The following GSDME variants were observed in gnomAD, a reference collection of about 807,000 sequenced individuals.
GSDME encodes gasdermin E.
In GSDME, 44 loss-of-function variants were observed where a neutral mutation model predicts 47.5. The observed-to-expected ratio is 0.93, with a 90% CI of 0.73 to 1.19. The LOEUF (loss-of-function observed/expected upper bound fraction) is 1.19. Among genes scored for constraint, GSDME ranks in the 50% most tolerant of loss-of-function variants. The pLI is 0.00. For missense variants in GSDME, 663 were observed against 604.2 expected (o/e 1.10, Z -1.02); for synonymous variants, 258 against 252.8 (o/e 1.02, Z -0.20).
At chr7:24,779,743 C>T in the GSDME span, among the ~76,000 whole-genome samples, 1 of 152,236 alleles carries the variant, frequency 6.6e-6, no homozygotes, top group African/African-American at 2.4e-5. This position sits in a 1 kb window ranked among gnomAD's most constrained non-coding sequence, Gnocchi z 6.0. Context: ...CTGCCATCCT[C>T]AGTGCCCTGG....
upstream of GSDME, among the ~76,000 whole-genome samples, chr7:24,762,146 C>T (rs749300354): frequency 4.0e-5 from 6 of 150,002 alleles, no homozygotes; most frequent in African/African-American, 1.2e-4. Context: ...CCCAGCTACT[C>T]GGGAGGCTGA....
At chr7:24,719,025 A>C (rs774826763) in intron 4 of GSDME, 22 bp downstream of exon 4, 2 of 1,611,252 alleles carry the variant, frequency 1.2e-6, no homozygotes, top group East Asian at 4.5e-5. Context: ...CCATGAACGC[A>C]GGGCAGCCCG....
rs981813130 is a variant in GSDME, at chr7:24,756,576, G to A, written c.-20+820C>T. 6.6e-6 allele frequency among the ~76,000 whole-genome samples: 1 copy of A among 152,168 alleles called. No homozygotes were observed. The highest frequency in any genetic ancestry group is 2.4e-5 in the African/African-American group (1 of 41,436). ...GACTTGCCCCACCTGCCTGCGTCTC[G>A]AGGACAGCGACCGCAAGCCATCCAT... On this transcript the variant is annotated intron_variant, in intron 1 of 9. Coordinates refer to ENST00000645220, the MANE Select transcript of GSDME (RefSeq NM_001127453.2). The surrounding 1 kb of genome is among the most constrained non-coding windows in gnomAD (Gnocchi z 4.2).
chr7:24,771,439 G>C, the GSDME span, among the ~76,000 whole-genome samples: 4 of 152,204 alleles, frequency 2.6e-5, no homozygotes, highest in Admixed American at 6.5e-5. The surrounding 1 kb of genome is among the most constrained non-coding windows in gnomAD (Gnocchi z 4.1). Flanking sequence ...TGAAGATAAA[G>C]AGAGAAAATT....
intron 2 of GSDME, 112 bp downstream of exon 2, chr7:24,749,452 A>C (rs1309553085): frequency 1.4e-5 from 13 of 947,176 alleles, no homozygotes; most frequent in Non-Finnish European, 3.3e-6. Flanking sequence ...CAATGGGCCA[A>C]GATCACGCCA....
chr7:24,705,032 G>A lies in GSDME; in HGVS notation c.1183+1152C>T. The A allele has an allele frequency of 6.6e-6, 1 of 152,186 alleles. No individual in the cohort carries two copies. Among genetic ancestry groups the A allele is most frequent in the East Asian group, 1.9e-4 (1 of 5,172 alleles). 9.4% of individuals were successfully genotyped at this position (152,186 alleles called of 1,614,324 possible). A position where few individuals can be genotyped will look rare whatever the true frequency, so the allele number is the denominator to read the frequency against. On this transcript the variant is annotated intron_variant, in intron 8 of 9. Coordinates refer to ENST00000645220, the MANE Select transcript of GSDME (RefSeq NM_001127453.2). This position sits in a 1 kb window ranked among gnomAD's most constrained non-coding sequence, Gnocchi z 4.1. ...CTGTGTCTAGGCTCAAGTAGAAGGG[G>A]ACTGTGGTGCTTTCATGATGCTGGC...
chr7:24,737,508 T>A (rs1462952177), intron 3 of GSDME, among the ~76,000 whole-genome samples: 3 of 150,580 alleles, frequency 2.0e-5, no homozygotes, highest in African/African-American at 4.9e-5. Context: ...CAAAATAAAG[T>A]CTCCCAGAAA....
At chr7:24,729,621 C>T (rs117915962) in intron 3 of GSDME, among the ~76,000 whole-genome samples, 5,832 of 152,306 alleles carry the variant, frequency 0.038, 156 homozygotes, top group Non-Finnish European at 0.057. Context: ...GTCCTTCATG[C>T]CTCTGTGCAG....
the GSDME span, among the ~76,000 whole-genome samples, chr7:24,766,351 TG>T: frequency 3.3e-5 from 5 of 152,086 alleles, no homozygotes; most frequent in Non-Finnish European, 7.3e-5. This position sits in a 1 kb window ranked among gnomAD's most constrained non-coding sequence, Gnocchi z 4.2. Context: ...CATGTGCAGA[TG>T]TGCAGGTTTG....
At chr7:24,765,213 G>T in the GSDME span, among the ~76,000 whole-genome samples, 1 of 152,136 alleles carries the variant, frequency 6.6e-6, no homozygotes, top group Non-Finnish European at 1.5e-5. Flanking sequence ...GGTATAAATA[G>T]CCCCTAGAGA....
chr7:24,707,443 G>A (rs970431452), intron 7 of GSDME: 10 of 471,284 alleles, frequency 2.1e-5, no homozygotes, highest in Non-Finnish European at 4.0e-5. Flanking sequence ...ACACAACAGT[G>A]CAAAAGCCTA....
At chr7:24,775,766 T>C in the GSDME span, among the ~76,000 whole-genome samples, 5 of 142,616 alleles carry the variant, frequency 3.5e-5, no homozygotes, top group Non-Finnish European at 7.5e-5. Flanking sequence ...TCCCAGCTAG[T>C]TGGGAGGCTG....
intron 2 of GSDME, among the ~76,000 whole-genome samples, chr7:24,746,363 A>T (rs1156622450): frequency 2.0e-5 from 3 of 152,212 alleles, no homozygotes. Flanking sequence ...GAATTTGGGT[A>T]ACATTCATTT....
chr7:24,734,833 G>C lies in GSDME; in HGVS notation c.404+9729C>G, dbSNP rs549471338. Among the ~76,000 whole-genome samples, 165 of 152,232 alleles carry C rather than the reference G, an allele frequency of 1.1e-3. 1 individual carries two copies. Among genetic ancestry groups the C allele is most frequent in the African/African-American group, 3.8e-3 (156 of 41,538 alleles). ...AGTTTCAAAAGAGCAAATCTAAGAG[G>C]TATTGGCCTTAAAGAGGAAGGAGAG... On this transcript the variant is annotated intron_variant, in intron 3 of 9. Transcript: ENST00000645220.
chr7:24,775,497 C>G, the GSDME span, among the ~76,000 whole-genome samples: 5 of 152,158 alleles, frequency 3.3e-5, no homozygotes, highest in African/African-American at 1.2e-4. Flanking sequence ...ATCCTTCAAG[C>G]TTGCAAGGAG....
In GSDME at chr7:24,725,276, C is replaced by T. The variant is rs1052698078; in HGVS notation, c.405-6058G>A. 1.5e-4 allele frequency among the ~76,000 whole-genome samples: 23 copies of T among 152,218 alleles called. No individual in the cohort carries two copies. Among genetic ancestry groups the T allele is most frequent in the African/African-American group, 5.5e-4 (23 of 41,468 alleles). On this transcript the variant is annotated intron_variant, in intron 3 of 9. Coordinates refer to ENST00000645220, the MANE Select transcript of GSDME (RefSeq NM_001127453.2). The surrounding 1 kb of genome is among the most constrained non-coding windows in gnomAD (Gnocchi z 5.1). ...GAGATCTTGCATTAAATGACCCACA[C>T]TCTACCCAGCAGATGGCAGGGGCTC...
Position 24,726,783 on chromosome 7 carries a change from G to C in GSDME, c.405-7565C>G, listed in dbSNP as rs1215410067. Among the ~76,000 whole-genome samples the C allele has an allele frequency of 2.7e-5, 4 of 150,800 alleles. No individual in the cohort carries two copies. The highest frequency in any genetic ancestry group is 9.8e-5 in the African/African-American group (4 of 40,720). Reference sequence around the variant, plus strand: ...GATCGCCCACTGCACTCCAGCCCGGGGGACAGAGCGAGACTCCGTCTCAAA... The same window carrying C: ...GATCGCCCACTGCACTCCAGCCCGGCGGACAGAGCGAGACTCCGTCTCAAA... On this transcript the variant is annotated intron_variant, in intron 3 of 9. Transcript: ENST00000645220. The surrounding 1 kb of genome is among the most constrained non-coding windows in gnomAD (Gnocchi z 5.6).
intron 3 of GSDME, among the ~76,000 whole-genome samples, chr7:24,723,752 G>C (rs1789874386): frequency 6.6e-6 from 1 of 152,184 alleles, no homozygotes; most frequent in African/African-American, 2.4e-5. Context: ...CCCTTGGGCT[G>C]TACTAGGAAT....
At chr7:24,748,168 A>ATTTT (rs1366320411) in intron 2 of GSDME, among the ~76,000 whole-genome samples, 33 of 117,494 alleles carry the variant, frequency 2.8e-4, no homozygotes, top group African/African-American at 6.3e-4. Context: ...ATATATATAT[A>ATTTT]TTTTTTTTTG....
Sources: allele counts gnomAD v4.1 joint callset (sites outside exome capture counted in the v4.1 genomes callset), GRCh38; gene constraint gnomAD v4.1.1; non-coding constraint Gnocchi (gnomAD v3.1); transcripts MANE v1.5; gene names NCBI Gene and HGNC (gene_info 2026-07-23, HGNC 2026-07-21).